ZFAND3: variants seen among roughly 807,000 people sequenced by gnomAD.
The protein encoded by ZFAND3 is AN1-type zinc finger protein 3.
ZFAND3 carries 10 observed loss-of-function variants against 29.6 expected under a neutral mutation model. The ratio of observed to expected loss-of-function variants is 0.34; its 90% confidence interval spans 0.21 to 0.57. The LOEUF is 0.57. ZFAND3 is among the 20% of genes least tolerant of loss of function. The pLI is 0.86. For missense variants in ZFAND3, 230 were observed against 304.5 expected, an observed-to-expected ratio of 0.76 and a Z score of 1.82; for synonymous variants, 128 against 112.6, an observed-to-expected ratio of 1.14 and a Z score of -0.87.
intron 3 of ZFAND3, among the ~76,000 whole-genome samples, chr6:38,076,016 C>CTT (rs1281523918): frequency 1.3e-5 from 2 of 152,018 alleles, no homozygotes; most frequent in African/African-American, 4.8e-5. Flanking sequence ...CCTTGCAAAG[C>CTT]GCTGGGATTA....
chr6:37,836,711 T>C (rs1763974747), intron 1 of ZFAND3, among the ~76,000 whole-genome samples: 1 of 152,208 alleles, frequency 6.6e-6, no homozygotes, highest in Non-Finnish European at 1.5e-5. Flanking sequence ...AATCTAACCA[T>C]CATGAATTGA....
chr6:37,891,801 C>T (rs746058823), intron 1 of ZFAND3, among the ~76,000 whole-genome samples: 1 of 150,408 alleles, frequency 6.6e-6, no homozygotes, highest in Non-Finnish European at 1.5e-5. Flanking sequence ...GATCTCGGCT[C>T]ACTGCAACCT....
chr6:38,025,520 CT>C lies in ZFAND3; in HGVS notation c.113-36064del, dbSNP rs34656488. Among the ~76,000 whole-genome samples, 15 of 150,946 alleles carry C rather than the reference CT, an allele frequency of 9.9e-5. No homozygotes were observed. In the South Asian group the frequency reaches 1.5e-3, roughly 15 times the overall value. On this transcript the variant is annotated intron_variant, in intron 2 of 5. Coordinates refer to ENST00000287218, the MANE Select transcript of ZFAND3 (RefSeq NM_021943.3). Reference sequence around the variant, plus strand: ...TGAAGATATTGAATCTTGTGAACTCCTTTTTTTTTGGTCTGTTTTGTTCTTA... The same window carrying C: ...TGAAGATATTGAATCTTGTGAACTCCTTTTTTTTGGTCTGTTTTGTTCTTA...
intron 1 of ZFAND3, among the ~76,000 whole-genome samples, chr6:37,889,170 C>G (rs1765050630): frequency 6.6e-6 from 1 of 152,178 alleles, no homozygotes; most frequent in Middle Eastern, 3.2e-3. Context: ...GCATGCCCTC[C>G]TCAAATGAGG....
At chr6:38,095,047 C>T (rs1244888082) in intron 4 of ZFAND3, among the ~76,000 whole-genome samples, 1 of 152,138 alleles carries the variant, frequency 6.6e-6, no homozygotes, top group Non-Finnish European at 1.5e-5. Context: ...AGCAAATCCT[C>T]CATGTATGTT....
chr6:37,822,977 A>G (rs1000363554), intron 1 of ZFAND3, among the ~76,000 whole-genome samples: 6 of 152,184 alleles, frequency 3.9e-5, no homozygotes, highest in Admixed American at 3.9e-4. Flanking sequence ...CCCTCATAGC[A>G]TTGTAATGCT....
In ZFAND3 at chr6:38,026,197, T is replaced by C. The variant is rs1015073733; in HGVS notation, c.113-35396T>C. ...CCTAAATACACTTACATCCAGTTTA[T>C]ACTGGATCATTTTTATACTTGATAT... On this transcript the variant is annotated intron_variant, in intron 2 of 5. Coordinates refer to ENST00000287218, the MANE Select transcript of ZFAND3 (RefSeq NM_021943.3). Among the ~76,000 whole-genome samples the C allele has an allele frequency of 2.0e-5, 3 of 152,144 alleles. 1 individual carries two copies. The highest frequency in any genetic ancestry group is 4.1e-4 in the South Asian group (2 of 4,834).
chr6:38,089,207 C>T (rs1425261677), intron 4 of ZFAND3, among the ~76,000 whole-genome samples: 1 of 152,124 alleles, frequency 6.6e-6, no homozygotes, highest in South Asian at 2.1e-4. Context: ...ACTGCAACCT[C>T]TGTCTCCCGG....
chr6:37,842,541 T>TAC (rs1356055505), intron 1 of ZFAND3, among the ~76,000 whole-genome samples: 1 of 152,208 alleles, frequency 6.6e-6, no homozygotes, highest in African/African-American at 2.4e-5. Context: ...TGTATAACTA[T>TAC]ACAACCAGTT....
chr6:37,998,213 T>A (rs1762885329), intron 2 of ZFAND3, among the ~76,000 whole-genome samples: 1 of 152,186 alleles, frequency 6.6e-6, no homozygotes, highest in African/African-American at 2.4e-5. Context: ...AAGGCTGCAT[T>A]CTATATAATT....
At chr6:37,932,066 C>T (rs983501946) in intron 2 of ZFAND3, among the ~76,000 whole-genome samples, 2 of 152,068 alleles carry the variant, frequency 1.3e-5, no homozygotes, top group African/African-American at 2.4e-5. Flanking sequence ...GTCTGGAGAG[C>T]GAGACCATCC....
intron 1 of ZFAND3, among the ~76,000 whole-genome samples, chr6:37,860,311 C>T (rs557987929): frequency 5.4e-4 from 82 of 151,560 alleles, no homozygotes; most frequent in African/African-American, 1.8e-3. Context: ...AATGCATGGC[C>T]TCCAGTAGTT....
chr6:38,052,417 T>A (rs1764044346), intron 2 of ZFAND3, among the ~76,000 whole-genome samples: 1 of 152,188 alleles, frequency 6.6e-6, no homozygotes. Flanking sequence ...TTCCTATAAA[T>A]ACATTTTGTA....
chr6:37,847,872 G>A (rs928686584), intron 1 of ZFAND3, among the ~76,000 whole-genome samples: 2 of 152,190 alleles, frequency 1.3e-5, no homozygotes, highest in Non-Finnish European at 2.9e-5. Context: ...AGTTTTATTG[G>A]AACACGGTCA....
chr6:37,977,869 T>TTCCTTCCTTCCTTCCTTCC (rs374121487), intron 2 of ZFAND3, among the ~76,000 whole-genome samples: 11 of 94,710 alleles, frequency 1.2e-4, no homozygotes, highest in Non-Finnish European at 2.3e-4. Context: ...CCTTCCTTCC[T>TTCCTTCCTTCCTTCCTTCC]TTCCTTCTTC....
At chr6:37,893,158 A>T (rs1469744216) in intron 1 of ZFAND3, among the ~76,000 whole-genome samples, 4 of 152,196 alleles carry the variant, frequency 2.6e-5, no homozygotes. Context: ...TCACATTCCA[A>T]TATCTCTTAT....
At chr6:37,932,034 G>A (rs1280366932) in intron 2 of ZFAND3, among the ~76,000 whole-genome samples, 1 of 152,142 alleles carries the variant, frequency 6.6e-6, no homozygotes, top group African/African-American at 2.4e-5. Context: ...ACTTTGGGAG[G>A]CCGAGGTGGG....
chr6:37,977,393 C>G (rs1397244288), intron 2 of ZFAND3, among the ~76,000 whole-genome samples: 1 of 152,172 alleles, frequency 6.6e-6, no homozygotes, highest in Non-Finnish European at 1.5e-5. Context: ...CCTCTGCCTC[C>G]CGGGTTCAAG....
chr6:37,893,362 G>C (rs995718948), intron 1 of ZFAND3, among the ~76,000 whole-genome samples: 3 of 152,140 alleles, frequency 2.0e-5, no homozygotes, highest in African/African-American at 7.2e-5. Flanking sequence ...GGCAGAAAAA[G>C]CATTTTATGA....
Sources: gnomAD v4.1 joint callset for allele counts (sites outside exome capture counted in the v4.1 genomes callset) on GRCh38, gnomAD v4.1.1 for gene constraint, MANE v1.5 for transcripts, NCBI Gene and HGNC (gene_info 2026-07-23, HGNC 2026-07-21) for gene names.